ZNF468: variants seen among roughly 807,000 people sequenced by gnomAD.
ZNF468 encodes the protein zinc finger protein 468.
A neutral mutation model predicts 7.2 loss-of-function variants in ZNF468; 8 were observed. The ratio of observed to expected loss-of-function variants is 1.11; its 90% confidence interval spans 0.65 to 2.01. The LOEUF (loss-of-function observed/expected upper bound fraction) is 2.01. Ranked by LOEUF, ZNF468 falls within the 30% of genes most tolerant of loss-of-function variation. ZNF468 has a pLI of 0.00. For synonymous variants in ZNF468, 218 were observed against 214.4 expected (o/e 1.02, Z -0.15); for missense variants, 608 against 626.5 (o/e 0.97, Z 0.31).
In ZNF468 at chr19:52,842,046, C is replaced by T. The variant is rs761671324; in HGVS notation, c.248G>A (p.Gly83Glu). Residue 83 changes from glycine to glutamate, a missense_variant, in exon 4 of 4, where the codon GGA (glycine) becomes GAA (glutamate). Physicochemically the swap from Gly to Glu is moderately conservative, Grantham distance 98. Coordinates refer to ENST00000595646, the MANE Select transcript of ZNF468 (RefSeq NM_001008801.2). ...TLHRQASHHI[G>E]EFCFHEIEKD... ...CTCAATTTCATGGAAACAAAATTCT[C>T]CAATGTGATGACTTGCTTGTCTGTG... 1.2e-6 allele frequency: 2 copies of T among 1,613,978 alleles called. No homozygotes were observed. The highest frequency in any genetic ancestry group is 2.2e-5 in the East Asian group (1 of 44,870).
chr19:52,855,561 G>A (rs940958437), intron 1 of ZNF468, among the ~76,000 whole-genome samples: 7 of 152,234 alleles, frequency 4.6e-5, no homozygotes, highest in African/African-American at 1.7e-4. Flanking sequence ...GAAGCAGGTG[G>A]AGGGTTCCCT....
chr19:52,856,688 C>T (rs1276696007), intron 1 of ZNF468, among the ~76,000 whole-genome samples: 1 of 142,614 alleles, frequency 7.0e-6, no homozygotes, highest in African/African-American at 2.6e-5. Context: ...TGCCCCTCTC[C>T]CTACCTTGCT....
chr19:52,855,299 A>G (rs1261743088), intron 1 of ZNF468, among the ~76,000 whole-genome samples: 1 of 152,226 alleles, frequency 6.6e-6, no homozygotes, highest in Non-Finnish European at 1.5e-5. Context: ...CATGGGAGAC[A>G]GCTCTGAGCC....
chr19:52,838,112 T>C lies in ZNF468; in HGVS notation c.*2613A>G, dbSNP rs1194297491. 6.6e-6 allele frequency: 1 copy of C among 152,136 alleles called. No individual in the cohort carries two copies. The highest frequency in any genetic ancestry group is 1.5e-5 in the Non-Finnish European group (1 of 68,026). 9.4% of individuals were successfully genotyped at this position (152,136 alleles called of 1,614,324 possible). ...TTTCATGAACTTCTTGAAGACCCCT[T>C]GTACTAGCGAACTGTATTCAAGAGG... is the stretch of plus-strand genomic sequence containing the variant. On this transcript the variant is annotated 3_prime_UTR_variant, in exon 4 of 4. Coordinates refer to ENST00000595646, the MANE Select transcript of ZNF468 (RefSeq NM_001008801.2).
intron 2 of ZNF468, chr19:52,853,997 C>G (rs1223924280): frequency 5.4e-6 from 8 of 1,484,922 alleles, no homozygotes; most frequent in Non-Finnish European, 7.1e-6. Flanking sequence ...AGCACTGACA[C>G]CACAGGACCC....
At position 52,840,945 on chromosome 19, in the gene ZNF468, C is replaced by G. The variant is rs748927141; in HGVS notation, c.1349G>C (p.Arg450Thr). Residue 450 changes from arginine to threonine, a missense_variant, in exon 4 of 4, where the codon AGG becomes ACG. Physicochemically the swap from Arg to Thr is moderately conservative, Grantham distance 71. Transcript: ENST00000595646. Reference protein sequence around the residue: ...KCKVCDKAFQRDSHLAQHQRV... With the variant: ...KCKVCDKAFQTDSHLAQHQRV... ...CTGATGTTGTGCCAGGTGTGAATCC[C>G]TCTGGAAAGCCTTGTCACAAACCTT... 10 of 1,613,620 alleles carry G rather than the reference C, an allele frequency of 6.2e-6. 1 individual carries two copies. In the South Asian group the frequency reaches 1.1e-4, roughly 18 times the overall value.
At chr19:52,850,910 T>A (rs1407175079) in intron 2 of ZNF468, among the ~76,000 whole-genome samples, 3 of 149,134 alleles carry the variant, frequency 2.0e-5, no homozygotes, top group Non-Finnish European at 4.4e-5. Context: ...AAAATAAAAA[T>A]AATAATAAAT....
Position 52,840,709 on chromosome 19 carries a change from C to T in ZNF468, c.*16G>A. ...GTTGAATTGTGATGGAAGGTCTTGCCACACTCATTACACTATTAAGGCTTC... is the reference window on the plus strand; with the variant it reads ...GTTGAATTGTGATGGAAGGTCTTGCTACACTCATTACACTATTAAGGCTTC... On this transcript the variant is annotated 3_prime_UTR_variant, in exon 4 of 4. Coordinates refer to ENST00000595646, the MANE Select transcript of ZNF468 (RefSeq NM_001008801.2). 1 of 1,613,336 alleles carries T rather than the reference C, an allele frequency of 6.2e-7. No homozygotes were observed. The highest frequency in any genetic ancestry group is 8.5e-7 in the Non-Finnish European group (1 of 1,179,534).
At chr19:52,857,030 G>C (rs894054274) in intron 1 of ZNF468, among the ~76,000 whole-genome samples, 4 of 151,936 alleles carry the variant, frequency 2.6e-5, no homozygotes, top group Admixed American at 2.6e-4. Flanking sequence ...ACAAGCCCCA[G>C]GCACCTCTCC....
Position 52,840,854 on chromosome 19 carries a change from T to C in ZNF468, c.1440A>G (p.Ser480=), listed in dbSNP as rs1322146648. 6.3e-7 allele frequency: 1 copy of C among 1,595,678 alleles called. No individual in the cohort carries two copies. Among genetic ancestry groups the C allele is most frequent in the Admixed American group, 1.7e-5 (1 of 58,140 alleles). Residue 480 remains serine, a synonymous_variant, in exon 4 of 4, where the codon TCA becomes TCG. Transcript: ENST00000595646. The part of the protein sequence containing the change: ...NECGKTFGQT[S]SLIIHRRLHT... ...GAAGCCTACGATGGATTATAAGCGA[T>C]GATGTCTGACCGAAGGTCTTGCCAC... is the stretch of plus-strand genomic sequence containing the variant.
chr19:52,842,483 A>G (rs1005944790), intron 3 of ZNF468, among the ~76,000 whole-genome samples: 31 of 152,236 alleles, frequency 2.0e-4, no homozygotes, highest in African/African-American at 7.5e-4. Context: ...CACATCAGAG[A>G]AAAATATATA....
At chr19:52,853,399 ACTGGTGGGG>A (rs1370407986) in intron 2 of ZNF468, among the ~76,000 whole-genome samples, 1 of 152,136 alleles carries the variant, frequency 6.6e-6, no homozygotes, top group Non-Finnish European at 1.5e-5. Context: ...TTTAATAATA[ACTGGTGGGG>A]CTGGGCATGA....
At position 52,841,369 on chromosome 19, in the gene ZNF468, T is replaced by G. The variant is rs747287651; in HGVS notation, c.925A>C (p.Ser309Arg). The G allele has an allele frequency of 4.3e-6, 7 of 1,614,018 alleles. No individual in the cohort carries two copies. In the African/African-American group the frequency reaches 8.0e-5, roughly 18 times the overall value. Residue 309 changes from serine (S) to arginine (R), a missense_variant, in exon 4 of 4, where the codon AGT becomes CGT. Ser to Arg is a moderately radical substitution (Grantham distance 110). Transcript: ENST00000595646. ...TGTCTTTCAAGGTGTGATTTGCGAC[T>G]GAAAACTTTGTCACATTCTTCACAT... ...YECEECDKVF[S>R]RKSHLERHKR...
intron 3 of ZNF468, 43 bp from the exon 4 acceptor site, chr19:52,842,194 C>T (rs60596790): frequency 0.29 from 434,359 of 1,483,634 alleles, 66,719 homozygotes; most frequent in South Asian, 0.46. Context: ...TAAGTACAGA[C>T]GGTATATAAT....
At chr19:52,854,060 G>A (rs1261260611) in intron 2 of ZNF468, 198 bp downstream of exon 2, 1 of 1,509,314 alleles carries the variant, frequency 6.6e-7, no homozygotes, top group East Asian at 2.4e-5. Context: ...GACCTGCCCA[G>A]TGCAGCCTCT....
At position 52,840,247 on chromosome 19, in the gene ZNF468, G is replaced by A. The variant is rs972399358; in HGVS notation, c.*478C>T. 4.8e-5 allele frequency: 19 copies of A among 399,244 alleles called. No homozygotes were observed. Among genetic ancestry groups the A allele is most frequent in the African/African-American group, 3.5e-4 (17 of 48,066 alleles). 24.7% of individuals were successfully genotyped at this position (399,244 alleles called of 1,614,324 possible). On this transcript the variant is annotated 3_prime_UTR_variant, in exon 4 of 4. Coordinates refer to ENST00000595646, the MANE Select transcript of ZNF468 (RefSeq NM_001008801.2). The stretch of plus-strand genomic sequence containing the variant: ...TGAAGTCTATGATGACTTGCAAGGT[G>A]TGATTGTTGATTAAAAACCATGTCA...
Position 52,839,853 on chromosome 19 carries a change from C to T in ZNF468, c.*872G>A, listed in dbSNP as rs2063279545. 1.5e-6 allele frequency: 1 copy of T among 654,738 alleles called. No homozygotes were observed. Among genetic ancestry groups the T allele is most frequent in the Non-Finnish European group, 2.6e-6 (1 of 387,442 alleles). 40.6% of individuals were successfully genotyped at this position (654,738 alleles called of 1,614,324 possible). ...GCATGAACGATGTCTGAAAAATTTG[C>T]CACATTTATTACACTTGTAAGATCT... is the stretch of plus-strand genomic sequence containing the variant. On this transcript the variant is annotated 3_prime_UTR_variant, in exon 4 of 4. Transcript: ENST00000595646.
chr19:52,843,386 C>T (rs1046134293), intron 3 of ZNF468, among the ~76,000 whole-genome samples: 2 of 151,968 alleles, frequency 1.3e-5, no homozygotes, highest in African/African-American at 4.8e-5. Flanking sequence ...GCATGTGCCA[C>T]CATGCCCAGC....
chr19:52,849,451 T>A, intron 2 of ZNF468: 1 of 817,890 alleles, frequency 1.2e-6, no homozygotes, highest in Non-Finnish European at 1.7e-6. Context: ...ATAACAGAAA[T>A]AAACAAATAA....
Sources: gnomAD v4.1 joint callset for allele counts (sites outside exome capture counted in the v4.1 genomes callset) on GRCh38, gnomAD v4.1.1 for gene constraint, MANE v1.5 for transcripts, NCBI Gene and HGNC (gene_info 2026-07-23, HGNC 2026-07-21) for gene names.